The following DOCK4 variants were observed in gnomAD, a reference collection of about 807,000 sequenced individuals.
DOCK4 encodes dedicator of cytokinesis 4.
In DOCK4, 97 loss-of-function variants were observed where a neutral mutation model predicts 268.1. The ratio of observed to expected loss-of-function variants is 0.36; its 90% CI spans 0.31 to 0.43. The LOEUF (loss-of-function observed/expected upper bound fraction) is 0.43, where lower values mean the gene tolerates loss of function less well. DOCK4 is among the 20% of genes least tolerant of loss of function. The pLI, the probability that DOCK4 is intolerant of heterozygous loss-of-function variation, is 1.00. For missense variants in DOCK4, 2,145 were observed against 2,455.7 expected (o/e 0.87, Z 2.67); for synonymous variants, 954 against 887.2 (o/e 1.08, Z -1.34).
intron 32 of DOCK4, 68 bp downstream of exon 32, chr7:111,788,594 C>A: frequency 1.5e-6 from 2 of 1,308,874 alleles, no homozygotes; most frequent in Non-Finnish European, 2.2e-6. Flanking sequence ...TACCGTGGTG[C>A]AGAGAGGCTC....
chr7:111,938,253 G>T (rs1417122112), intron 11 of DOCK4, among the ~76,000 whole-genome samples: 2 of 152,150 alleles, frequency 1.3e-5, no homozygotes, highest in Non-Finnish European at 1.5e-5. Context: ...ATGAATTATT[G>T]AATGTGTTAC....
chr7:112,107,092 G>A (rs928158807), intron 1 of DOCK4, among the ~76,000 whole-genome samples: 2 of 152,306 alleles, frequency 1.3e-5, no homozygotes, highest in African/African-American at 4.8e-5. Flanking sequence ...TTATGTATGG[G>A]CATTATATTA....
rs1477804091 is a variant in DOCK4, at chr7:111,859,912, C to G, written c.2473+3460G>C. Among the ~76,000 whole-genome samples, 4 of 152,228 alleles carry G rather than the reference C, an allele frequency of 2.6e-5. No individual in the cohort carries two copies. The South Asian group carries it at 8.3e-4, about 32-fold the overall frequency. ...AAAGGTCAGAAGTGTTAGGCTTAAC[C>G]CTTTTACCTTTTGTTTTGAGTGGAC... On this transcript the variant is annotated intron_variant, in intron 23 of 52. Coordinates refer to ENST00000428084, the MANE Select transcript of DOCK4 (RefSeq NM_001363540.2).
intron 17 of DOCK4, among the ~76,000 whole-genome samples, chr7:111,873,196 A>G (rs6970755): frequency 0.25 from 37,949 of 152,166 alleles, 5,430 homozygotes; most frequent in African/African-American, 0.39. Flanking sequence ...CAGAGTCCAG[A>G]TAAGCACAGG....
At chr7:111,794,337 G>A (rs1040426214) in intron 30 of DOCK4, among the ~76,000 whole-genome samples, 1 of 152,158 alleles carries the variant, frequency 6.6e-6, no homozygotes, top group African/African-American at 2.4e-5. Context: ...TCTGGGGCTC[G>A]AGACAGAGGC....
intron 8 of DOCK4, among the ~76,000 whole-genome samples, chr7:111,976,238 ATATGTG>A: frequency 9.3e-6 from 1 of 107,526 alleles, no homozygotes; most frequent in Non-Finnish European, 1.9e-5. Context: ...GTGTGTATAT[ATATGTG>A]TATATATATG....
intron 11 of DOCK4, among the ~76,000 whole-genome samples, chr7:111,937,838 G>A (rs966584045): frequency 2.6e-5 from 4 of 152,224 alleles, no homozygotes; most frequent in African/African-American, 9.6e-5. Flanking sequence ...CATGGGGCAA[G>A]TTATTTAACT....
intron 1 of DOCK4, among the ~76,000 whole-genome samples, chr7:112,150,159 T>C (rs1329303954): frequency 6.6e-6 from 1 of 152,214 alleles, no homozygotes; most frequent in East Asian, 1.9e-4. Context: ...AAGCTCATGC[T>C]TTGAAATGCT....
chr7:111,845,191 G>C (rs1804006193), intron 24 of DOCK4, among the ~76,000 whole-genome samples: 1 of 152,180 alleles, frequency 6.6e-6, no homozygotes, highest in Non-Finnish European at 1.5e-5. Context: ...TGTGACCTCA[G>C]GCAAGTCAGT....
chr7:111,760,736 TTTTGTGTGTGTGTGTG>T (rs1417745871), intron 39 of DOCK4, among the ~76,000 whole-genome samples: 5 of 123,090 alleles, frequency 4.1e-5, no homozygotes, highest in East Asian at 2.3e-4. Flanking sequence ...GTTGTCTGCT[TTTTGTGTGTGTGTGTG>T]TGTGTGTGTG....
intron 5 of DOCK4, 88 bp from the exon 6 acceptor site, chr7:111,989,251 C>T (rs146924180): frequency 3.9e-6 from 6 of 1,544,352 alleles, no homozygotes; most frequent in South Asian, 2.4e-5. Context: ...GAGGCCCATT[C>T]TGGTTACCCA....
chr7:112,154,773 T>C (rs1191449141), intron 1 of DOCK4, among the ~76,000 whole-genome samples: 1 of 152,198 alleles, frequency 6.6e-6, no homozygotes, highest in Non-Finnish European at 1.5e-5. Flanking sequence ...TTTTTCATCA[T>C]GTCAATCTCA....
chr7:111,752,436 T>C (rs969386398), intron 42 of DOCK4, among the ~76,000 whole-genome samples: 2 of 152,230 alleles, frequency 1.3e-5, no homozygotes, highest in African/African-American at 2.4e-5. Context: ...ATACAGTATT[T>C]AGAAAGAGGC....
intron 26 of DOCK4, among the ~76,000 whole-genome samples, chr7:111,827,348 G>A (rs887671119): frequency 1.3e-5 from 2 of 152,086 alleles, no homozygotes; most frequent in Admixed American, 6.6e-5. Flanking sequence ...AAAATCTTTT[G>A]AAACAGGCAG....
intron 26 of DOCK4, among the ~76,000 whole-genome samples, chr7:111,827,317 T>C (rs1161790011): frequency 6.6e-6 from 1 of 152,162 alleles, no homozygotes; most frequent in African/African-American, 2.4e-5. Flanking sequence ...CAAATAAAGA[T>C]AAGTCAAAAT....
intron 1 of DOCK4, among the ~76,000 whole-genome samples, chr7:112,106,244 A>G (rs1416615570): frequency 6.6e-6 from 1 of 152,222 alleles, no homozygotes; most frequent in Non-Finnish European, 1.5e-5. Flanking sequence ...TATTTGTCAG[A>G]CAGGTTGAGC....
chr7:112,008,298 A>T (rs959623771), intron 1 of DOCK4, among the ~76,000 whole-genome samples: 4 of 152,240 alleles, frequency 2.6e-5, no homozygotes. Flanking sequence ...CCCAGTTTAT[A>T]TGTATATAAA....
chr7:111,884,097 G>A (rs576909062), intron 16 of DOCK4, among the ~76,000 whole-genome samples: 106 of 152,098 alleles, frequency 7.0e-4, no homozygotes, highest in Non-Finnish European at 1.2e-3. Flanking sequence ...TAGATAGGGG[G>A]TTAGGTTTTA....
In DOCK4 at chr7:111,755,592, C is replaced by G. The variant is rs2133551930; in HGVS notation, c.4339G>C (p.Val1447Leu). ...DKENEFKSLW[V>L]ERTSLYLVQS... ...ACCAAGTATAATGACGTTCTCTCCA[C>G]CCAGAGACTCTACAAAACACAAAAC... Residue 1447 changes from valine to leucine, a missense_variant, in exon 42 of 53, where the codon GTG (valine) becomes CTG (leucine). Val to Leu is a conservative substitution (Grantham distance 32). Transcript: ENST00000428084. 6.2e-7 allele frequency: 1 copy of G among 1,613,948 alleles called. No homozygotes were observed. The highest frequency in any genetic ancestry group is 8.5e-7 in the Non-Finnish European group (1 of 1,179,878).
Sources: gnomAD v4.1 joint callset for allele counts (sites outside exome capture counted in the v4.1 genomes callset) on GRCh38, gnomAD v4.1.1 for gene constraint, MANE v1.5 for transcripts, NCBI Gene and HGNC (gene_info 2026-07-23, HGNC 2026-07-21) for gene names.